ZFHX3: variants seen among roughly 807,000 people sequenced by gnomAD.
ZFHX3 encodes zinc finger homeobox 3.
Under a neutral mutation model 279.1 loss-of-function variants are expected in ZFHX3, and 42 were observed. The ratio of observed to expected loss-of-function variants is 0.15; its 90% CI spans 0.12 to 0.19. The LOEUF is 0.19. ZFHX3 is among the 10% of genes least tolerant of loss of function. The probability of loss-of-function intolerance (pLI) is 1.00; values close to 1 mark genes in which losing one functional copy is unlikely to be tolerated. For synonymous variants in ZFHX3, 2,293 were observed against 1,957.8 expected, an observed-to-expected ratio of 1.17 and a Z score of -4.52; for missense variants, 4,981 against 4,754.0, an observed-to-expected ratio of 1.05 and a Z score of -1.40.
At chr16:73,759,348 C>T (rs991099152) in intron 1 of ZFHX3, among the ~76,000 whole-genome samples, 1 of 152,068 alleles carries the variant, frequency 6.6e-6, no homozygotes, top group Non-Finnish European at 1.5e-5. Flanking sequence ...GGGACCTGTC[C>T]CTCTCCTTTA....
chr16:73,566,206 A>G (rs2020448677), intron 2 of ZFHX3, among the ~76,000 whole-genome samples: 1 of 152,218 alleles, frequency 6.6e-6, no homozygotes, highest in South Asian at 2.1e-4. Flanking sequence ...CATGTGTCAT[A>G]TAAGCCAGAC....
intron 3 of ZFHX3, among the ~76,000 whole-genome samples, chr16:73,411,305 T>C (rs572804839): frequency 6.6e-6 from 1 of 152,350 alleles, no homozygotes; most frequent in South Asian, 2.1e-4. Context: ...TATAGGAGAT[T>C]TGTGTATTAT....
chr16:72,973,191 C>T (rs1377106900), intron 1 of ZFHX3, among the ~76,000 whole-genome samples: 2 of 152,236 alleles, frequency 1.3e-5, no homozygotes, highest in South Asian at 2.1e-4. Context: ...CCAAAGGACA[C>T]TGCCCCCTCA....
At chr16:73,534,853 T>C (rs977835824) in intron 2 of ZFHX3, among the ~76,000 whole-genome samples, 2 of 152,146 alleles carry the variant, frequency 1.3e-5, no homozygotes, top group Admixed American at 1.3e-4. Context: ...TAAGGAAACC[T>C]TTAGATTTTG....
At chr16:73,231,426 AC>A (rs2144930987) in intron 5 of ZFHX3, among the ~76,000 whole-genome samples, 1 of 152,290 alleles carries the variant, frequency 6.6e-6, no homozygotes, top group East Asian at 1.9e-4. Context: ...GAAAAAGACC[AC>A]GTTTAAAACC....
At chr16:73,053,911 A>G (rs1446897156) in intron 1 of ZFHX3, among the ~76,000 whole-genome samples, 1 of 152,082 alleles carries the variant, frequency 6.6e-6, no homozygotes, top group East Asian at 1.9e-4. Flanking sequence ...AAACTTCCAA[A>G]CCTTTTGTGT....
intron 1 of ZFHX3, among the ~76,000 whole-genome samples, chr16:72,989,388 A>G (rs1962982384): frequency 6.6e-6 from 1 of 151,776 alleles, no homozygotes; most frequent in Non-Finnish European, 1.5e-5. Context: ...AGGCTGAGGC[A>G]GGAGAATTGC....
At chr16:72,890,589 C>G (rs905779950) in intron 3 of ZFHX3, among the ~76,000 whole-genome samples, 1 of 152,112 alleles carries the variant, frequency 6.6e-6, no homozygotes, top group Admixed American at 6.5e-5. Flanking sequence ...CTATCTCCCC[C>G]AAATGGCCCC....
intron 8 of ZFHX3, among the ~76,000 whole-genome samples, chr16:73,067,810 G>C (rs1248296584): frequency 6.6e-6 from 1 of 152,114 alleles, no homozygotes; most frequent in Non-Finnish European, 1.5e-5. Flanking sequence ...GGAGGCAGGC[G>C]GGGGATTGTC....
chr16:72,882,043 G>A (rs149844503), intron 4 of ZFHX3, among the ~76,000 whole-genome samples: 209 of 152,134 alleles, frequency 1.4e-3, no homozygotes, highest in African/African-American at 4.4e-3. Flanking sequence ...ATGAGCCAAC[G>A]GGGGTCTCTG....
At chr16:73,853,756 C>G (rs1961649092) in intron 1 of ZFHX3, among the ~76,000 whole-genome samples, 1 of 152,126 alleles carries the variant, frequency 6.6e-6, no homozygotes, top group African/African-American at 2.4e-5. Flanking sequence ...AATGGGTACA[C>G]TAGATGCCCA....
chr16:73,301,896 A>G (rs2015064207), intron 4 of ZFHX3, among the ~76,000 whole-genome samples: 1 of 152,068 alleles, frequency 6.6e-6, no homozygotes, highest in Non-Finnish European at 1.5e-5. Flanking sequence ...TCTGCAAAGA[A>G]GCGGAGATGA....
chr16:73,344,235 C>T (rs367833418), intron 3 of ZFHX3, among the ~76,000 whole-genome samples: 1 of 152,166 alleles, frequency 6.6e-6, no homozygotes, highest in Non-Finnish European at 1.5e-5. Flanking sequence ...GAGGAAGACA[C>T]AGCATCACTT....
chr16:73,678,259 G>A (rs1414752363), intron 2 of ZFHX3, among the ~76,000 whole-genome samples: 1 of 152,124 alleles, frequency 6.6e-6, no homozygotes, highest in African/African-American at 2.4e-5. Context: ...GTGAGTAAAA[G>A]TCACACTGTA....
chr16:73,050,837 G>A (rs867521983), upstream of ZFHX3, among the ~76,000 whole-genome samples: 30 of 152,160 alleles, frequency 2.0e-4, no homozygotes, highest in South Asian at 6.2e-4. Context: ...TCTGGAAAGC[G>A]TAATTGGCAA....
rs188657231 is a variant in ZFHX3, at chr16:72,810,267, C to T, written c.3864+1310G>A. 4.7e-5 allele frequency among the ~76,000 whole-genome samples: 7 copies of T among 147,408 alleles called. No individual in the cohort carries two copies. In the East Asian group the frequency reaches 1.0e-3, roughly 22 times the overall value. On this transcript the variant is annotated intron_variant, in intron 7 of 9. Coordinates refer to ENST00000268489, the MANE Select transcript of ZFHX3 (RefSeq NM_006885.4). The stretch of plus-strand genomic sequence containing the variant: ...GTAGCGCAATGTCAGCTCACTGCAA[C>T]CTCTGCCTCCCGGGTTCAAGTGATT...
chr16:73,637,651 T>A (rs946693095), intron 2 of ZFHX3, among the ~76,000 whole-genome samples: 1 of 152,208 alleles, frequency 6.6e-6, no homozygotes, highest in South Asian at 2.1e-4. Context: ...AATATATCAC[T>A]ATTTACAATT....
At position 72,829,680 on chromosome 16, in the gene ZFHX3, T is replaced by C. The variant is rs1043473079; in HGVS notation, c.3529+99A>G. The C allele has an allele frequency of 2.9e-6, 4 of 1,368,286 alleles. No individual in the cohort carries two copies. In the African/African-American group the frequency reaches 5.8e-5, roughly 20 times the overall value. The allele number at this position is 1,368,286 out of a possible 1,614,324, so 84.8% of individuals were successfully genotyped here. On this transcript the variant is annotated intron_variant, in intron 5 of 9. Coordinates refer to ENST00000268489, the MANE Select transcript of ZFHX3 (RefSeq NM_006885.4). The stretch of plus-strand genomic sequence containing the variant: ...CTGGGCAGACTAAGGATGTATCCGC[T>C]CCCTGACTTGTTAGCTCCATTCTTC...
Position 72,794,375 on chromosome 16 carries a change from G to C in ZFHX3, c.8307C>G (p.Ser2769Arg). The change falls in exon 9 of 10, where the codon AGC becomes AGG. Residue 2769 changes from serine (S) to arginine (R), a missense_variant. Ser to Arg is a moderately radical substitution (Grantham distance 110, BLOSUM62 -1). Transcript: ENST00000268489. This position sits in a 1 kb window ranked among gnomAD's most constrained non-coding sequence, Gnocchi z 4.2. ...TACTGCTTGGGGGTAGGTGGGAAAAGCTAGTTCCGTCAAAAATATCTCCTT... is the reference window on the plus strand; with the variant it reads ...TACTGCTTGGGGGTAGGTGGGAAAACCTAGTTCCGTCAAAAATATCTCCTT... ...QMKGDIFDGT[S>R]FSHLPPSSSD... is the part of the protein sequence containing the mutation. 6.2e-7 allele frequency: 1 copy of C among 1,603,902 alleles called. No homozygotes were observed. Among genetic ancestry groups the C allele is most frequent in the Non-Finnish European group, 8.5e-7 (1 of 1,174,622 alleles).
Sources: allele counts gnomAD v4.1 joint callset (sites outside exome capture counted in the v4.1 genomes callset), GRCh38; gene constraint gnomAD v4.1.1; non-coding constraint Gnocchi (gnomAD v3.1); transcripts MANE v1.5; gene names NCBI Gene and HGNC (gene_info 2026-07-23, HGNC 2026-07-21).